CELF4: variants seen among roughly 807,000 people sequenced by gnomAD.
CELF4 encodes the protein CUGBP Elav-like family member 4.
CELF4 carries 18 observed loss-of-function variants against 59.9 expected under a neutral mutation model. The ratio of observed to expected loss-of-function variants is 0.30; its 90% confidence interval spans 0.21 to 0.45. CELF4 has a LOEUF of 0.45. Among genes scored for constraint, CELF4 ranks in the 20% least tolerant of loss-of-function variants. The pLI is 1.00. For synonymous variants in CELF4, 261 were observed against 267.1 expected (o/e 0.98, Z 0.22); for missense variants, 456 against 689.0 (o/e 0.66, Z 3.79).
At chr18:37,391,096 T>C (rs1011260129) in intron 2 of CELF4, among the ~76,000 whole-genome samples, 1 of 151,998 alleles carries the variant, frequency 6.6e-6, no homozygotes, top group Admixed American at 6.5e-5. Context: ...ACAGGAGACG[T>C]AGGGAGGAGA....
chr18:37,246,718 G>C lies in CELF4; in HGVS notation c.*45-1521C>G, dbSNP rs1020914686. ...AAAAATAAAATCACAATATTTTCAA[G>C]TGCAAGTAAATCAACCACGCATAGA... On this transcript the variant is annotated intron_variant, in intron 12 of 12. Transcript: ENST00000420428. This position sits in a 1 kb window ranked among gnomAD's most constrained non-coding sequence, Gnocchi z 5.3. Among the ~76,000 whole-genome samples the C allele has an allele frequency of 3.3e-5, 5 of 152,034 alleles. No homozygotes were observed. Among genetic ancestry groups the C allele is most frequent in the Non-Finnish European group, 5.9e-5 (4 of 68,036 alleles).
chr18:37,422,342 C>A (rs1295103176), intron 2 of CELF4, among the ~76,000 whole-genome samples: 1 of 152,196 alleles, frequency 6.6e-6, no homozygotes, highest in Non-Finnish European at 1.5e-5. Flanking sequence ...CCTGTTTCGG[C>A]CATGTGGTCA....
At chr18:37,459,209 G>A (rs969739009) in intron 2 of CELF4, among the ~76,000 whole-genome samples, 1 of 152,178 alleles carries the variant, frequency 6.6e-6, no homozygotes, top group Admixed American at 6.5e-5. Flanking sequence ...TGCGCTCATA[G>A]GTTTTTGGAT....
intron 3 of CELF4, among the ~76,000 whole-genome samples, chr18:37,284,274 G>T (rs1186832056): frequency 6.7e-6 from 1 of 149,374 alleles, no homozygotes; most frequent in African/African-American, 2.5e-5. Flanking sequence ...TCAACATACA[G>T]ACATAACACA....
intron 1 of CELF4, among the ~76,000 whole-genome samples, chr18:37,557,811 T>C (rs2099985246): frequency 6.6e-6 from 1 of 152,106 alleles, no homozygotes; most frequent in Non-Finnish European, 1.5e-5. Flanking sequence ...CACCCATTTA[T>C]TTCCATCTTG....
chr18:37,295,124 C>T (rs1345137266), intron 3 of CELF4, among the ~76,000 whole-genome samples: 1 of 152,204 alleles, frequency 6.6e-6, no homozygotes, highest in Non-Finnish European at 1.5e-5. Context: ...GCCTCACCTT[C>T]CTCCAGGAGG....
chr18:37,431,524 C>G (rs529245889), intron 2 of CELF4, among the ~76,000 whole-genome samples: 11 of 151,976 alleles, frequency 7.2e-5, no homozygotes, highest in Non-Finnish European at 1.5e-4. Flanking sequence ...CCCGCCACCA[C>G]GCCCAGCTAA....
At chr18:37,322,329 G>T (rs1283465340) in intron 2 of CELF4, among the ~76,000 whole-genome samples, 1 of 152,348 alleles carries the variant, frequency 6.6e-6, no homozygotes, top group East Asian at 1.9e-4. Flanking sequence ...CCAGGCCAGG[G>T]CATCCAGCTT....
At chr18:37,565,291 C>A in intron 1 of CELF4, 65 bp downstream of exon 1, 1 of 1,452,860 alleles carries the variant, frequency 6.9e-7, no homozygotes, top group South Asian at 1.5e-5. Flanking sequence ...AGTCGCCGGC[C>A]GGCCGGTCGG....
chr18:37,402,035 A>G (rs1267310794), intron 2 of CELF4, among the ~76,000 whole-genome samples: 5 of 152,104 alleles, frequency 3.3e-5, no homozygotes, highest in African/African-American at 1.2e-4. Context: ...TTTGCTGGGG[A>G]GTTGGGACAA....
At chr18:37,390,801 G>GC (rs2099150971) in intron 2 of CELF4, among the ~76,000 whole-genome samples, 1 of 99,070 alleles carries the variant, frequency 1.0e-5, no homozygotes, top group Admixed American at 9.6e-5. Context: ...TGGTGATGGG[G>GC]CGGGGAGGGG....
chr18:37,524,643 G>T (rs1489978673), intron 1 of CELF4, among the ~76,000 whole-genome samples: 3 of 152,204 alleles, frequency 2.0e-5, no homozygotes, highest in Non-Finnish European at 2.9e-5. Flanking sequence ...GATATTAGCC[G>T]ACCTCTGGCG....
chr18:37,500,046 C>T (rs1478676927), intron 1 of CELF4, among the ~76,000 whole-genome samples: 3 of 152,184 alleles, frequency 2.0e-5, no homozygotes, highest in Admixed American at 6.5e-5. Flanking sequence ...AGCCCAGTGC[C>T]GCCCTGGCAA....
intron 1 of CELF4, among the ~76,000 whole-genome samples, chr18:37,538,191 C>T (rs1372383564): frequency 6.6e-6 from 1 of 152,214 alleles, no homozygotes. Flanking sequence ...CCTGTGTGCA[C>T]CTCTGAGGCC....
intron 1 of CELF4, among the ~76,000 whole-genome samples, chr18:37,530,096 A>G (rs1603643503): frequency 1.3e-5 from 2 of 152,220 alleles, no homozygotes; most frequent in African/African-American, 4.8e-5. Context: ...TGCAGAGATG[A>G]CAGCCAGTCA....
chr18:37,514,337 A>G (rs979875952), intron 1 of CELF4, among the ~76,000 whole-genome samples: 2 of 152,200 alleles, frequency 1.3e-5, no homozygotes, highest in East Asian at 3.8e-4. Context: ...TGCAAAAGGA[A>G]CACTGTTTTC....
chr18:37,375,358 G>T (rs905029490), intron 2 of CELF4, among the ~76,000 whole-genome samples: 2 of 152,120 alleles, frequency 1.3e-5, no homozygotes, highest in Admixed American at 1.3e-4. Context: ...ACGGCTCTCG[G>T]GGCCAGTACC....
At chr18:37,328,049 G>A (rs1248851438) in intron 2 of CELF4, among the ~76,000 whole-genome samples, 2 of 152,204 alleles carry the variant, frequency 1.3e-5, no homozygotes, top group East Asian at 3.8e-4. Context: ...GGGAGGGAGA[G>A]AGAGAAAAGA....
At chr18:37,316,248 G>A (rs940152916) in intron 3 of CELF4, among the ~76,000 whole-genome samples, 2 of 152,142 alleles carry the variant, frequency 1.3e-5, no homozygotes, top group Admixed American at 6.5e-5. Flanking sequence ...CAGGCAGGGA[G>A]GGGCCTGCTC....
Sources: allele counts gnomAD v4.1 joint callset (sites outside exome capture counted in the v4.1 genomes callset), GRCh38; gene constraint gnomAD v4.1.1; non-coding constraint Gnocchi (gnomAD v3.1); transcripts MANE v1.5; gene names NCBI Gene and HGNC (gene_info 2026-07-23, HGNC 2026-07-21).